The following ACTL8 variants were observed in gnomAD, a reference collection of about 807,000 sequenced individuals.
ACTL8 encodes the protein actin like 8.
In ACTL8, 3 loss-of-function variants were observed where a neutral mutation model predicts 9.3. The ratio of observed to expected loss-of-function variants is 0.32; its 90% CI spans 0.15 to 0.83. The LOEUF (loss-of-function observed/expected upper bound fraction) is 0.83. ACTL8 is among the 40% of genes least tolerant of loss of function. ACTL8 has a pLI of 0.57. For missense variants in ACTL8, 381 were observed against 492.2 expected (o/e 0.77, Z 2.14); for synonymous variants, 224 against 205.9 (o/e 1.09, Z -0.75).
chr1:17,813,086 C>G (rs535374697), intron 1 of ACTL8, among the ~76,000 whole-genome samples: 21 of 152,102 alleles, frequency 1.4e-4, no homozygotes, highest in Non-Finnish European at 3.1e-4. Flanking sequence ...ATGTCTTCTG[C>G]AAATAGGGAT....
chr1:17,761,231 A>C (rs1233188472), intron 1 of ACTL8, among the ~76,000 whole-genome samples: 1 of 148,686 alleles, frequency 6.7e-6, no homozygotes, highest in Admixed American at 6.8e-5. Flanking sequence ...CCGGCCTCCC[A>C]AAGTGCTGGG....
intron 1 of ACTL8, among the ~76,000 whole-genome samples, chr1:17,759,332 G>A (rs1420667036): frequency 6.6e-6 from 1 of 152,242 alleles, no homozygotes; most frequent in Non-Finnish European, 1.5e-5. Context: ...CGTGCTCACA[G>A]GGCCTGCTCC....
At chr1:17,788,402 C>T (rs930414390) in intron 1 of ACTL8, among the ~76,000 whole-genome samples, 24 of 152,210 alleles carry the variant, frequency 1.6e-4, no homozygotes, top group Admixed American at 1.3e-3. Flanking sequence ...TGCCTCAGCT[C>T]AGAGCTTCCC....
chr1:17,773,206 G>A (rs1177709837), intron 1 of ACTL8, among the ~76,000 whole-genome samples: 1 of 152,150 alleles, frequency 6.6e-6, no homozygotes, highest in South Asian at 2.1e-4. Flanking sequence ...TTCTTTGTTC[G>A]AGTAGCTCCT....
intron 1 of ACTL8, among the ~76,000 whole-genome samples, chr1:17,762,529 C>T (rs1214830351): frequency 1.3e-5 from 2 of 152,180 alleles, no homozygotes; most frequent in African/African-American, 4.8e-5. Context: ...TCTGGCTCAC[C>T]TCCAGGCAGG....
intron 1 of ACTL8, among the ~76,000 whole-genome samples, chr1:17,762,507 T>C (rs974318368): frequency 1.3e-5 from 2 of 152,070 alleles, no homozygotes; most frequent in Admixed American, 6.5e-5. Context: ...CCGAATTCAG[T>C]CTTCCTGAGG....
chr1:17,796,866 C>T (rs190319476), intron 1 of ACTL8, among the ~76,000 whole-genome samples: 5 of 152,340 alleles, frequency 3.3e-5, no homozygotes, highest in Non-Finnish European at 7.3e-5. Context: ...CTGGGAATTT[C>T]TAGAATGATA....
intron 1 of ACTL8, among the ~76,000 whole-genome samples, chr1:17,799,294 C>T (rs1274766554): frequency 6.6e-6 from 1 of 152,166 alleles, no homozygotes; most frequent in Admixed American, 6.5e-5. Flanking sequence ...TGTTGGCGAT[C>T]GTCTAGTTTT....
chr1:17,759,163 A>G (rs778045010), intron 1 of ACTL8, among the ~76,000 whole-genome samples: 26 of 152,340 alleles, frequency 1.7e-4, no homozygotes, highest in South Asian at 1.4e-3. Context: ...CTGGTTATCA[A>G]TTATTGCTTT....
Position 17,819,264 on chromosome 1 carries a change from C to T in ACTL8, c.-24-3721C>T, listed in dbSNP as rs374393025. Among the ~76,000 whole-genome samples the T allele has an allele frequency of 1.3e-4, 20 of 152,352 alleles. No homozygotes were observed. The East Asian group carries it at 1.4e-3, about 10-fold the overall frequency. ...CCCGCTTCCCGGAATGTCATGCAGC[C>T]GGCCAGTTCTCTGTCACTCTGGATG... On this transcript the variant is annotated intron_variant, in intron 1 of 2. Transcript: ENST00000375406.
intron 1 of ACTL8, among the ~76,000 whole-genome samples, chr1:17,805,763 G>T (rs2066356356): frequency 6.6e-6 from 1 of 152,216 alleles, no homozygotes; most frequent in South Asian, 2.1e-4. Context: ...AGCCACTGTT[G>T]TCTTGTTCAT....
chr1:17,819,842 G>A (rs1173425398), intron 1 of ACTL8, among the ~76,000 whole-genome samples: 1 of 151,884 alleles, frequency 6.6e-6, no homozygotes, highest in East Asian at 1.9e-4. Context: ...ACCAGCCTAG[G>A]CTGTTGCCTA....
rs781646116 is a variant in ACTL8, at chr1:17,826,067, A to G, written c.649A>G (p.Asn217Asp). Residue 217 changes from asparagine (N) to aspartate (D), a missense_variant, in exon 3 of 3, where the codon AAT becomes GAT. By Grantham distance (23) the Asn-to-Asp change is conservative. Coordinates refer to ENST00000375406, the MANE Select transcript of ACTL8 (RefSeq NM_030812.3). The surrounding 1 kb of genome is among the most constrained non-coding windows in gnomAD (Gnocchi z 4.5). Reference protein sequence around the residue: ...TQMNKCYVPQNLGEALDFRER... With the variant: ...TQMNKCYVPQDLGEALDFRER... ...GATGAACAAGTGCTACGTGCCGCAG[A>G]ATCTGGGGGAGGCCCTGGACTTTCG... 4.4e-6 allele frequency: 7 copies of G among 1,607,302 alleles called. No homozygotes were observed. The East Asian group carries it at 1.6e-4, about 36-fold the overall frequency.
chr1:17,822,154 C>T (rs1415058647), intron 1 of ACTL8, among the ~76,000 whole-genome samples: 1 of 152,118 alleles, frequency 6.6e-6, no homozygotes, highest in Non-Finnish European at 1.5e-5. Flanking sequence ...CCTGGTGCCT[C>T]GCATGCTTGA....
At chr1:17,799,463 T>G (rs2066304817) in intron 1 of ACTL8, among the ~76,000 whole-genome samples, 1 of 152,016 alleles carries the variant, frequency 6.6e-6, no homozygotes, top group East Asian at 1.9e-4. Flanking sequence ...TTTTTGTCTT[T>G]TTTTTTTTCT....
In ACTL8 at chr1:17,794,623, T is replaced by G. The variant is rs188932509; in HGVS notation, c.-24-28362T>G. Among the ~76,000 whole-genome samples the G allele has an allele frequency of 2.6e-5, 4 of 152,372 alleles. No individual in the cohort carries two copies. The East Asian group carries it at 7.7e-4, about 29-fold the overall frequency. ...TAGGCCTCCCTGGTCTCATCTTATT[T>G]TTTTACTACTTTTCTCTTTGCATAA... On this transcript the variant is annotated intron_variant, in intron 1 of 2. Transcript: ENST00000375406.
intron 1 of ACTL8, among the ~76,000 whole-genome samples, chr1:17,775,832 C>T (rs1485689649): frequency 6.6e-6 from 1 of 152,188 alleles, no homozygotes; most frequent in Non-Finnish European, 1.5e-5. Flanking sequence ...TAGGTGCTCT[C>T]AGTCTAGTAG....
intron 1 of ACTL8, among the ~76,000 whole-genome samples, chr1:17,763,964 G>A (rs778947852): frequency 9.2e-5 from 14 of 152,196 alleles, no homozygotes; most frequent in Non-Finnish European, 1.9e-4. Context: ...CTGGGACAAT[G>A]ATTGATCTAG....
In ACTL8 at chr1:17,755,399, C is replaced by G. The variant is rs950600855; in HGVS notation, c.-130C>G. On this transcript the variant is annotated 5_prime_UTR_variant, in exon 1 of 3. Coordinates refer to ENST00000375406, the MANE Select transcript of ACTL8 (RefSeq NM_030812.3). ...GGCGTTTGCAGTGTGCAGCTGAGTT[C>G]GGCAGCTCACACAGCACCCCTTTCA... 1 of 152,196 alleles carries G rather than the reference C, an allele frequency of 6.6e-6. No homozygotes were observed. The highest frequency in any genetic ancestry group is 2.4e-5 in the African/African-American group (1 of 41,448). The allele number at this position is 152,196 out of a possible 1,614,324, so 9.4% of individuals were successfully genotyped here. A position where few individuals can be genotyped will look rare whatever the true frequency, so the allele number is the denominator to read the frequency against.
Sources: gnomAD v4.1 joint callset for allele counts (sites outside exome capture counted in the v4.1 genomes callset) on GRCh38, gnomAD v4.1.1 for gene constraint, Gnocchi (gnomAD v3.1) non-coding constraint, MANE v1.5 for transcripts, NCBI Gene and HGNC (gene_info 2026-07-23, HGNC 2026-07-21) for gene names.